ANK2: variants seen among roughly 807,000 people sequenced by gnomAD.
ANK2 encodes the protein ankyrin 2.
Under a neutral mutation model 360.5 loss-of-function variants are expected in ANK2, and 83 were observed. The ratio of observed to expected loss-of-function variants is 0.23; its 90% CI spans 0.19 to 0.28. The LOEUF (loss-of-function observed/expected upper bound fraction) is 0.28. Among genes scored for constraint, ANK2 ranks in the 10% least tolerant of loss-of-function variants. The pLI, the probability that ANK2 is intolerant of heterozygous loss-of-function variation, is 1.00. For missense variants in ANK2, 4,201 were observed against 4,795.7 expected, an observed-to-expected ratio of 0.88 and a Z score of 3.66; for synonymous variants, 1,740 against 1,759.5, an observed-to-expected ratio of 0.99 and a Z score of 0.28.
intron 1 of ANK2, chr4:112,827,172 G>A (rs893751387): frequency 5.2e-6 from 6 of 1,154,370 alleles, no homozygotes; most frequent in Middle Eastern, 4.2e-4. Flanking sequence ...ATTACATCCT[G>A]TGTAGTGATA....
intron 1 of ANK2, among the ~76,000 whole-genome samples, chr4:113,166,583 T>A (rs554599127): frequency 6.6e-6 from 1 of 152,178 alleles, no homozygotes; most frequent in South Asian, 2.1e-4. Context: ...GTGGTTTTTG[T>A]TCCTACTAGT....
chr4:113,250,758 C>CCG (rs927149581), intron 10 of ANK2, among the ~76,000 whole-genome samples: 1 of 132,362 alleles, frequency 7.6e-6, no homozygotes, highest in African/African-American at 2.7e-5. Context: ...TACCACCGCC[C>CCG]CCCCCCCCGA....
chr4:113,137,666 TTCTTA>T (rs891768299), intron 1 of ANK2, among the ~76,000 whole-genome samples: 4 of 152,236 alleles, frequency 2.6e-5, no homozygotes, highest in Non-Finnish European at 4.4e-5. Context: ...CTTCCTTCCT[TTCTTA>T]TCTTCTGGTA....
chr4:113,211,480 G>T (rs923480550), intron 4 of ANK2, among the ~76,000 whole-genome samples: 1 of 152,078 alleles, frequency 6.6e-6, no homozygotes, highest in Admixed American at 6.6e-5. Flanking sequence ...AACCTTCTAG[G>T]TTAGCATTGT....
chr4:112,933,988 G>A (rs758361861), intron 2 of ANK2, among the ~76,000 whole-genome samples: 5 of 151,910 alleles, frequency 3.3e-5, no homozygotes, highest in East Asian at 3.9e-4. Flanking sequence ...TGGAAATGAC[G>A]TCATGTGAGA....
intron 14 of ANK2, among the ~76,000 whole-genome samples, chr4:113,265,974 A>G (rs563207717): frequency 3.6e-4 from 55 of 152,274 alleles, no homozygotes; most frequent in Non-Finnish European, 6.5e-4. Flanking sequence ...AATTATTATT[A>G]TACTTTAAGT....
upstream of ANK2, among the ~76,000 whole-genome samples, chr4:113,045,142 T>C (rs1561670631): frequency 1.3e-5 from 2 of 152,158 alleles, no homozygotes; most frequent in African/African-American, 4.8e-5. Context: ...ACTCAAATAA[T>C]GTTATGAATT....
chr4:112,932,567 C>A (rs1308524916), intron 2 of ANK2, among the ~76,000 whole-genome samples: 3 of 149,392 alleles, frequency 2.0e-5, no homozygotes, highest in African/African-American at 7.3e-5. Flanking sequence ...CATTCTGCAG[C>A]TGTGACTTTT....
chr4:113,340,797 A>G (rs887130111), intron 32 of ANK2, among the ~76,000 whole-genome samples: 6 of 151,568 alleles, frequency 4.0e-5, no homozygotes, highest in Non-Finnish European at 7.4e-5. Context: ...GTAGATTAAG[A>G]AGTGATAAAT....
chr4:113,217,390 AC>A (rs932660791), intron 4 of ANK2, among the ~76,000 whole-genome samples: 3 of 152,154 alleles, frequency 2.0e-5, no homozygotes, highest in Non-Finnish European at 4.4e-5. Context: ...ATATATTTTA[AC>A]CATATATATA....
At chr4:112,894,185 C>T (rs1347729014) in intron 1 of ANK2, among the ~76,000 whole-genome samples, 2 of 152,054 alleles carry the variant, frequency 1.3e-5, no homozygotes, top group African/African-American at 4.8e-5. Context: ...ATCAAATTCT[C>T]TCATTTCTTG....
intron 1 of ANK2, among the ~76,000 whole-genome samples, chr4:112,851,712 C>T (rs943216770): frequency 4.6e-5 from 7 of 152,002 alleles, no homozygotes; most frequent in African/African-American, 1.7e-4. Flanking sequence ...CAACTTCCAC[C>T]CCCCAGGTTC....
rs2097187033 is a variant in ANK2 at position 113,382,397 on chromosome 4, A to G, written c.*926A>G. 6.5e-6 allele frequency: 1 copy of G among 152,828 alleles called. No homozygotes were observed. Among genetic ancestry groups the G allele is most frequent in the South Asian group, 2.1e-4 (1 of 4,834 alleles). 9.5% of individuals were successfully genotyped at this position (152,828 alleles called of 1,614,324 possible). ...ATGGGGTATTCAGTTGCTGGCAGCT[A>G]CATTGTGTGGCATTCTAGCATCTTC... is the stretch of plus-strand genomic sequence containing the variant. On this transcript the variant is annotated 3_prime_UTR_variant, in exon 46 of 46. Coordinates refer to ENST00000357077, the MANE Select transcript of ANK2 (RefSeq NM_001148.6).
chr4:112,742,472 A>G, the ANK2 span, among the ~76,000 whole-genome samples: 15 of 151,738 alleles, frequency 9.9e-5, no homozygotes, highest in Non-Finnish European at 2.1e-4. Context: ...CCTAGATAAG[A>G]TTGGCTAGGG....
intron 1 of ANK2, among the ~76,000 whole-genome samples, chr4:112,866,453 C>T (rs974473295): frequency 3.3e-5 from 5 of 152,116 alleles, no homozygotes; most frequent in Admixed American, 3.3e-4. Context: ...GTTGAGCACT[C>T]TTCAGGTACC....
At chr4:113,285,649 C>T (rs553727121) in intron 18 of ANK2, among the ~76,000 whole-genome samples, 81 of 152,304 alleles carry the variant, frequency 5.3e-4, no homozygotes, top group African/African-American at 1.9e-3. Flanking sequence ...AAGTGTTCAG[C>T]TATCCAGAAG....
intron 4 of ANK2, among the ~76,000 whole-genome samples, chr4:113,218,667 G>A (rs186837503): frequency 6.6e-6 from 1 of 152,238 alleles, no homozygotes; most frequent in Admixed American, 6.5e-5. Context: ...ATAGTGTTTT[G>A]ATGTTAGGTG....
intron 2 of ANK2, among the ~76,000 whole-genome samples, chr4:113,022,570 C>T (rs1439197039): frequency 6.6e-6 from 1 of 152,182 alleles, no homozygotes; most frequent in Non-Finnish European, 1.5e-5. Context: ...ATCGTTCATT[C>T]ATTTACAGCT....
Position 112,994,941 on chromosome 4 carries a change from C to CT in ANK2, c.21+90433dup, listed in dbSNP as rs201272002. On this transcript the variant is annotated intron_variant, in intron 2 of 30. Transcript: ENST00000503271. ...TGCAGCAAAGGACATGACTTCATTC[C>CT]TTTTTTATGGCTGCATAGTATTCCA... Among the ~76,000 whole-genome samples, 841 of 152,264 alleles carry CT rather than the reference C, an allele frequency of 5.5e-3. 7 individuals carry two copies. Among genetic ancestry groups the CT allele is most frequent in the African/African-American group, 0.019 (785 of 41,542 alleles).
Sources: allele counts gnomAD v4.1 joint callset (sites outside exome capture counted in the v4.1 genomes callset), GRCh38; gene constraint gnomAD v4.1.1; transcripts MANE v1.5; gene names NCBI Gene and HGNC (gene_info 2026-07-23, HGNC 2026-07-21).